The following ERBIN variants were observed in gnomAD, a reference collection of about 807,000 sequenced individuals.
ERBIN encodes densin-180-like protein.
A neutral mutation model predicts 158.4 loss-of-function variants in ERBIN; 60 were observed. The observed-to-expected ratio is 0.38, with a 90% CI of 0.31 to 0.47. The LOEUF (loss-of-function observed/expected upper bound fraction) is 0.47. Ranked by LOEUF, ERBIN falls within the 20% of genes least tolerant of loss-of-function variation. ERBIN has a pLI of 0.99. For synonymous variants in ERBIN, 594 were observed against 557.2 expected (o/e 1.07, Z -0.93); for missense variants, 1,610 against 1,648.0 (o/e 0.98, Z 0.40).
At chr5:66,058,835 C>A (rs974885951) in intron 21 of ERBIN, among the ~76,000 whole-genome samples, 34 of 152,034 alleles carry the variant, frequency 2.2e-4, no homozygotes, top group African/African-American at 8.2e-4. Flanking sequence ...TGTCAAAGAT[C>A]AGATAGTTGT....
At chr5:66,046,608 A>C in intron 18 of ERBIN, 70 bp downstream of exon 18, 1 of 1,245,786 alleles carries the variant, frequency 8.0e-7, no homozygotes, top group East Asian at 2.4e-5. Context: ...TTGCTAAATA[A>C]AGACCTGATA....
chr5:66,044,203 C>G lies in ERBIN; in HGVS notation c.1495C>G (p.Gln499Glu), dbSNP rs1758189709. The G allele has an allele frequency of 2.5e-6, 4 of 1,610,084 alleles. No homozygotes were observed. Among genetic ancestry groups the G allele is most frequent in the East Asian group, 2.2e-5 (1 of 44,606 alleles). ...DELKNMVKTV[Q>E]TIVHRLKDEE... ...GCTTAAGAATATGGTCAAAACTGTT[C>G]AAACCATTGTACATAGATTAAAAGA... Residue 499 changes from glutamine to glutamate, a missense_variant, in exon 17 of 26, where the codon CAA (glutamine) becomes GAA (glutamate). Coordinates refer to ENST00000284037, the MANE Select transcript of ERBIN (RefSeq NM_001253697.2).
intron 7 of ERBIN, among the ~76,000 whole-genome samples, chr5:66,018,935 G>A (rs1755380612): frequency 6.7e-6 from 1 of 149,982 alleles, no homozygotes; most frequent in African/African-American, 2.5e-5. Flanking sequence ...GCACCTGGCC[G>A]GTATGTCATA....
intron 1 of ERBIN, among the ~76,000 whole-genome samples, chr5:65,954,028 A>T (rs1000950902): frequency 1.1e-4 from 16 of 151,676 alleles, no homozygotes; most frequent in African/African-American, 3.9e-4. Context: ...CTACTCTCCT[A>T]CCCGCTACCC....
intron 1 of ERBIN, among the ~76,000 whole-genome samples, chr5:65,947,402 G>A (rs964321591): frequency 2.6e-5 from 4 of 152,008 alleles, no homozygotes; most frequent in Admixed American, 2.6e-4. Context: ...GATAATTTTT[G>A]TATTTTCAGT....
rs61758158 is a variant in ERBIN, at chr5:66,012,096, A to G, written c.355A>G (p.Ile119Val). Reference sequence around the variant, plus strand: ...TATAAAAAATTGTAAAGTTTTGACAATTGTGGAGGCCAGTGTAAACCCTAT... The same window carrying G: ...TATAAAAAATTGTAAAGTTTTGACAGTTGTGGAGGCCAGTGTAAACCCTAT... ...ENIKNCKVLT[I>V]VEASVNPISK... Residue 119 changes from isoleucine (I) to valine (V), a missense_variant, in exon 5 of 26, where the codon ATT becomes GTT. By Grantham distance (29) the Ile-to-Val change is conservative. Around this residue, in one of 2 missense-constraint regions of ERBIN, gnomAD observed 596 missense variants for 711.9 expected, o/e 0.84. Coordinates refer to ENST00000284037, the MANE Select transcript of ERBIN (RefSeq NM_001253697.2). 15,163 of 1,606,890 alleles carry G rather than the reference A, an allele frequency of 9.4e-3. 95 individuals carry two copies. The highest frequency in any genetic ancestry group is 0.01 in the Non-Finnish European group (11,838 of 1,175,934).
chr5:66,054,601 A>G lies in ERBIN; in HGVS notation c.3283A>G (p.Arg1095Gly), dbSNP rs1174757278. Residue 1095 changes from arginine to glycine, a missense_variant, in exon 21 of 26, where the codon AGG becomes GGG. Physicochemically the swap from Arg to Gly is moderately radical, Grantham distance 125 (BLOSUM62 -2). Transcript: ENST00000284037. ...SVNLGDPGST[R>G]RAQIPEGDYL... ...AAATCTTGGTGATCCAGGCTCTACA[A>G]GGCGGGCTCAGATTCCTGAAGGAGA... The G allele has an allele frequency of 1.9e-6, 3 of 1,614,178 alleles. No individual in the cohort carries two copies. Among genetic ancestry groups the G allele is most frequent in the Non-Finnish European group, 2.5e-6 (3 of 1,180,024 alleles).
intron 14 of ERBIN, among the ~76,000 whole-genome samples, chr5:66,034,235 G>A (rs1757168616): frequency 6.6e-6 from 1 of 151,990 alleles, no homozygotes; most frequent in African/African-American, 2.4e-5. Context: ...GTGAAAGGGA[G>A]GAGAGGAAAT....
intron 21 of ERBIN, among the ~76,000 whole-genome samples, chr5:66,061,143 G>A: frequency 6.6e-6 from 1 of 152,064 alleles, no homozygotes; most frequent in Non-Finnish European, 1.5e-5. Flanking sequence ...TTGACAGTGG[G>A]GTGTTAAAGT....
At chr5:66,036,849 T>C (rs983630193) in intron 14 of ERBIN, among the ~76,000 whole-genome samples, 1 of 152,218 alleles carries the variant, frequency 6.6e-6, no homozygotes. Flanking sequence ...TCTCTGAAGT[T>C]AGGTGTTCAG....
chr5:66,054,264 T>G lies in ERBIN; in HGVS notation c.2946T>G (p.Ser982Arg), dbSNP rs1379099085. The G allele has an allele frequency of 2.5e-6, 4 of 1,614,162 alleles. No individual in the cohort carries two copies. Among genetic ancestry groups the G allele is most frequent in the Non-Finnish European group, 3.4e-6 (4 of 1,180,024 alleles). The change falls in exon 21 of 26, where the codon AGT becomes AGG. Residue 982 changes from serine (S) to arginine (R), a missense_variant. Around this residue, in one of 2 missense-constraint regions of ERBIN, gnomAD observed 1,014 missense variants for 936.1 expected, o/e 1.08. Coordinates refer to ENST00000284037, the MANE Select transcript of ERBIN (RefSeq NM_001253697.2). ...CTCCACAGTATAATATCCAATACAG[T>G]AGCAGTGCTGCAGTCAAAGACACTT... ...YGPPQYNIQY[S>R]SSAAVKDTLW...
intron 21 of ERBIN, among the ~76,000 whole-genome samples, chr5:66,058,321 G>T (rs1039174886): frequency 5.3e-5 from 8 of 151,940 alleles, no homozygotes; most frequent in African/African-American, 1.9e-4. Flanking sequence ...GTGTTTTTTG[G>T]CTGCATAAGT....
At chr5:65,953,439 G>A (rs998798580) in intron 1 of ERBIN, among the ~76,000 whole-genome samples, 3 of 152,214 alleles carry the variant, frequency 2.0e-5, no homozygotes, top group African/African-American at 7.2e-5. Context: ...GGGGAGGGTT[G>A]TATAGCTGGA....
intron 4 of ERBIN, among the ~76,000 whole-genome samples, chr5:66,007,974 C>T (rs988617718): frequency 1.4e-4 from 22 of 152,094 alleles, no homozygotes; most frequent in African/African-American, 5.3e-4. Context: ...AGTAGAAAAC[C>T]AGTGTTTCAA....
chr5:66,071,756 T>C (rs777029515), intron 21 of ERBIN, among the ~76,000 whole-genome samples: 3 of 151,810 alleles, frequency 2.0e-5, no homozygotes, highest in Non-Finnish European at 4.4e-5. Context: ...AAAATCTTTT[T>C]ATAGTGCTCA....
intron 14 of ERBIN, among the ~76,000 whole-genome samples, chr5:66,030,441 C>T (rs751079098): frequency 5.9e-5 from 9 of 151,992 alleles, no homozygotes; most frequent in Admixed American, 1.3e-4. Context: ...TGAAATTTTG[C>T]GACTAGATTC....
chr5:66,075,416 CATAGGAT>C (rs777434529), intron 23 of ERBIN, among the ~76,000 whole-genome samples, 186 bp downstream of exon 23: 1 of 152,104 alleles, frequency 6.6e-6, no homozygotes, highest in Admixed American at 6.5e-5. Context: ...GATCATGTAA[CATAGGAT>C]TTAGTATTTT....
intron 3 of ERBIN, 149 bp downstream of exon 3, chr5:65,993,056 A>G (rs555348346): frequency 6.1e-6 from 3 of 491,104 alleles, no homozygotes; most frequent in East Asian, 3.4e-5. Flanking sequence ...GTACAATTCA[A>G]ATTTTTAAAA....
chr5:65,982,552 A>G (rs1411370423), intron 1 of ERBIN, among the ~76,000 whole-genome samples: 3 of 152,208 alleles, frequency 2.0e-5, no homozygotes, highest in Non-Finnish European at 4.4e-5. Flanking sequence ...CCATTAGAGT[A>G]TGAGGCTTGA....
Sources: gnomAD v4.1 joint callset for allele counts (sites outside exome capture counted in the v4.1 genomes callset) on GRCh38, gnomAD v4.1.1 for gene constraint, gnomAD v4.1.1 regional missense constraint, MANE v1.5 for transcripts, NCBI Gene and HGNC (gene_info 2026-07-23, HGNC 2026-07-21) for gene names.